The following ZNF626 variants were observed in gnomAD, a reference collection of about 807,000 sequenced individuals.
The protein encoded by ZNF626 is zinc finger protein 626.
In ZNF626, 4 loss-of-function variants were observed where a neutral mutation model predicts 11.7. The ratio of observed to expected loss-of-function variants is 0.34; its 90% confidence interval spans 0.17 to 0.78. The LOEUF is 0.78. Ranked by LOEUF, ZNF626 falls within the 30% of genes least tolerant of loss-of-function variation. The pLI is 0.57. For synonymous variants in ZNF626, 179 were observed against 198.6 expected, an observed-to-expected ratio of 0.90 and a Z score of 0.83; for missense variants, 588 against 587.1, an observed-to-expected ratio of 1.00 and a Z score of -0.01.
Position 20,625,372 on chromosome 19 carries a change from C to A in ZNF626, c.505G>T (p.Gly169Trp), listed in dbSNP as rs782429235. ...TCTATATATTTGAAAGGTTTTTTCC[C>A]AGTATGTCCTCTCTTTTGTCCGTTT... ...NSNGQKRGHT[G>W]KKPFKYIECG... The change falls in exon 4 of 4, where the codon GGG becomes TGG. Residue 169 changes from glycine (G) to tryptophan (W), a missense_variant. Coordinates refer to ENST00000601440, the MANE Select transcript of ZNF626 (RefSeq NM_001076675.3). The A allele has an allele frequency of 2.5e-6, 4 of 1,613,890 alleles. No homozygotes were observed. In the African/African-American group the frequency reaches 5.3e-5, roughly 22 times the overall value.
At chr19:20,646,182 A>C in intron 2 of ZNF626, 97 bp downstream of exon 2, 2 of 1,337,204 alleles carry the variant, frequency 1.5e-6, no homozygotes, top group Non-Finnish European at 2.0e-6. Flanking sequence ...GGGGATCTGA[A>C]ACTCTTTTAT....
chr19:20,630,168 G>C (rs1387564069), intron 3 of ZNF626, among the ~76,000 whole-genome samples: 1 of 152,100 alleles, frequency 6.6e-6, no homozygotes, highest in Non-Finnish European at 1.5e-5. Flanking sequence ...ATGTGCTGCT[G>C]GATTCGGTTT....
intron 3 of ZNF626, among the ~76,000 whole-genome samples, chr19:20,632,400 T>C (rs1339845185): frequency 6.6e-6 from 1 of 152,216 alleles, no homozygotes; most frequent in Non-Finnish European, 1.5e-5. Context: ...CTTGGTTCCA[T>C]TCTCCCCGTC....
intron 1 of ZNF626, among the ~76,000 whole-genome samples, chr19:20,660,860 G>T (rs1209737718): frequency 6.6e-6 from 1 of 152,162 alleles, no homozygotes; most frequent in Non-Finnish European, 1.5e-5. Context: ...CGCGATTTGC[G>T]AGAAAAGGAA....
At chr19:20,629,338 T>C (rs1194611803) in intron 3 of ZNF626, among the ~76,000 whole-genome samples, 2 of 152,210 alleles carry the variant, frequency 1.3e-5, no homozygotes, top group Admixed American at 6.5e-5. Flanking sequence ...GGTAGCTTGA[T>C]GGGGATGGCA....
chr19:20,660,373 A>G (rs782670528), intron 1 of ZNF626, among the ~76,000 whole-genome samples: 2 of 151,950 alleles, frequency 1.3e-5, no homozygotes, highest in Non-Finnish European at 1.5e-5. Flanking sequence ...AGTGTTAGAA[A>G]CTCCAGTGAA....
chr19:20,651,839 C>T (rs1346202532), intron 1 of ZNF626, among the ~76,000 whole-genome samples: 10 of 152,214 alleles, frequency 6.6e-5, no homozygotes, highest in African/African-American at 2.4e-4. Context: ...AACACAAATA[C>T]TCTACTCCAG....
In ZNF626 at chr19:20,622,039, T is replaced by G. The variant is rs981705187; in HGVS notation, c.*2251A>C. 1 of 152,086 alleles carries G rather than the reference T, an allele frequency of 6.6e-6. No homozygotes were observed. The highest frequency in any genetic ancestry group is 2.4e-5 in the African/African-American group (1 of 41,406). 9.4% of individuals were successfully genotyped at this position (152,086 alleles called of 1,614,324 possible). On this transcript the variant is annotated 3_prime_UTR_variant, in exon 4 of 4. Coordinates refer to ENST00000601440, the MANE Select transcript of ZNF626 (RefSeq NM_001076675.3). ...CCATGTCTATTAAAAATATAAAAAT[T>G]AGCCAGGCGTGGTGTCACGCACCTG...
chr19:20,648,056 G>A (rs1970102817), intron 1 of ZNF626, among the ~76,000 whole-genome samples: 1 of 151,272 alleles, frequency 6.6e-6, no homozygotes, highest in Admixed American at 6.6e-5. Context: ...GCAAGCACCT[G>A]TAATCCTGGC....
intron 1 of ZNF626, among the ~76,000 whole-genome samples, chr19:20,657,619 C>G (rs2144796619): frequency 6.6e-6 from 1 of 151,952 alleles, no homozygotes; most frequent in Admixed American, 6.6e-5. Flanking sequence ...CCAGCCTGAC[C>G]AACATGGAGA....
intron 3 of ZNF626, among the ~76,000 whole-genome samples, chr19:20,636,829 T>G (rs1387110520): frequency 6.6e-6 from 1 of 152,070 alleles, no homozygotes; most frequent in Non-Finnish European, 1.5e-5. Flanking sequence ...AAGACCAGCC[T>G]GAATAACATG....
chr19:20,640,225 TTAAA>T (rs201636117), intron 3 of ZNF626, among the ~76,000 whole-genome samples: 65,866 of 147,746 alleles, frequency 0.45, 15,863 homozygotes, highest in African/African-American at 0.63. Flanking sequence ...ATTCAATTAT[TTAAA>T]TAATTAAATT....
chr19:20,628,248 A>G (rs538367080), intron 3 of ZNF626, among the ~76,000 whole-genome samples: 2 of 152,338 alleles, frequency 1.3e-5, no homozygotes, highest in South Asian at 4.1e-4. Flanking sequence ...ATACATGTCC[A>G]TGTGTCTTTA....
chr19:20,636,758 C>T (rs990598899), intron 3 of ZNF626, among the ~76,000 whole-genome samples: 7 of 152,176 alleles, frequency 4.6e-5, no homozygotes, highest in African/African-American at 7.2e-5. Context: ...CCCTGGCTCA[C>T]GCCTGTAATC....
chr19:20,656,534 G>A (rs1327334982), intron 1 of ZNF626, among the ~76,000 whole-genome samples: 5 of 152,142 alleles, frequency 3.3e-5, no homozygotes, highest in South Asian at 2.1e-4. Flanking sequence ...ATTTGCAAAC[G>A]TTGTCTATGA....
At chr19:20,630,831 T>C (rs1969896037) in intron 3 of ZNF626, among the ~76,000 whole-genome samples, 1 of 136,438 alleles carries the variant, frequency 7.3e-6, no homozygotes, top group Admixed American at 7.4e-5. Context: ...AGCTTTTGAA[T>C]GTTTGCTCTT....
At chr19:20,629,945 T>C (rs1238767073) in intron 3 of ZNF626, among the ~76,000 whole-genome samples, 2 of 152,214 alleles carry the variant, frequency 1.3e-5, no homozygotes, top group Non-Finnish European at 2.9e-5. Flanking sequence ...TATTTTGAGA[T>C]AAGACCCATC....
intron 3 of ZNF626, among the ~76,000 whole-genome samples, chr19:20,642,150 T>A (rs1007293332): frequency 6.6e-6 from 1 of 152,204 alleles, no homozygotes; most frequent in African/African-American, 2.4e-5. Context: ...TATTTATAGA[T>A]AAACACACAC....
rs1555773691 is a variant in ZNF626, at chr19:20,661,483, G to T, written c.-37C>A. 1.2e-6 allele frequency: 2 copies of T among 1,612,652 alleles called. No individual in the cohort carries two copies. The highest frequency in any genetic ancestry group is 3.3e-5 in the Admixed American group (2 of 59,968). On this transcript the variant is annotated 5_prime_UTR_variant, in exon 1 of 4. Transcript: ENST00000601440. ...AGGAGGTCCCGGTGTCTTAGCTGTG[G>T]ATCTCCCAATACCTGCAGGACACGG... is the stretch of plus-strand genomic sequence containing the variant.
Sources: allele counts gnomAD v4.1 joint callset (sites outside exome capture counted in the v4.1 genomes callset), GRCh38; gene constraint gnomAD v4.1.1; transcripts MANE v1.5; gene names NCBI Gene and HGNC (gene_info 2026-07-23, HGNC 2026-07-21).